CLYBL: variants seen among roughly 807,000 people sequenced by gnomAD.
The protein encoded by CLYBL is citramalyl-CoA lyase, mitochondrial.
CLYBL carries 31 observed loss-of-function variants against 38.9 expected under a neutral mutation model. The observed-to-expected ratio is 0.80, with a 90% CI of 0.60 to 1.08. The LOEUF (loss-of-function observed/expected upper bound fraction) is 1.08. Ranked by LOEUF, CLYBL falls within the 50% of genes least tolerant of loss-of-function variation. CLYBL has a pLI of 0.00. For synonymous variants in CLYBL, 171 were observed against 158.6 expected (o/e 1.08, Z -0.59); for missense variants, 434 against 411.6 (o/e 1.05, Z -0.47).
intron 1 of CLYBL, among the ~76,000 whole-genome samples, chr13:99,716,381 C>CTTTCT (rs56025538): frequency 0.34 from 47,531 of 138,184 alleles, 9,268 homozygotes; most frequent in East Asian, 0.55. Context: ...CTATATTTTT[C>CTTTCT]TTTCTTTTCT....
intron 2 of CLYBL, among the ~76,000 whole-genome samples, chr13:99,822,196 A>G (rs1045179114): frequency 2.0e-5 from 3 of 152,226 alleles, no homozygotes; most frequent in African/African-American, 7.2e-5. Flanking sequence ...CCACAGTTTC[A>G]TAATAAAATA....
At chr13:99,722,781 GT>G (rs1440912691) in intron 1 of CLYBL, among the ~76,000 whole-genome samples, 1 of 152,222 alleles carries the variant, frequency 6.6e-6, no homozygotes, top group Non-Finnish European at 1.5e-5. Context: ...CAATAGGACT[GT>G]TTAACTGCTT....
chr13:99,638,028 A>G (rs1450393841), intron 1 of CLYBL, among the ~76,000 whole-genome samples: 1 of 135,650 alleles, frequency 7.4e-6, no homozygotes, highest in Non-Finnish European at 1.5e-5. Flanking sequence ...CAATGGCACA[A>G]TCGCGGTTCA....
chr13:99,632,311 T>C (rs759797355), intron 1 of CLYBL, among the ~76,000 whole-genome samples: 2 of 152,248 alleles, frequency 1.3e-5, no homozygotes, highest in African/African-American at 2.4e-5. Context: ...GGCCACTGCC[T>C]ACCATAGGGA....
At chr13:99,620,974 C>A (rs2046787068) in intron 1 of CLYBL, among the ~76,000 whole-genome samples, 1 of 152,082 alleles carries the variant, frequency 6.6e-6, no homozygotes, top group South Asian at 2.1e-4. Flanking sequence ...TCTCTGCCAC[C>A]CCTCATGTTC....
chr13:99,855,099 T>A (rs1370883329), intron 2 of CLYBL, among the ~76,000 whole-genome samples: 2 of 152,178 alleles, frequency 1.3e-5, no homozygotes, highest in Admixed American at 6.5e-5. Context: ...CTCTTCGAAG[T>A]TCTAATGTAA....
chr13:99,711,079 GT>G, intron 1 of CLYBL, among the ~76,000 whole-genome samples: 2 of 151,868 alleles, frequency 1.3e-5, no homozygotes, highest in East Asian at 3.9e-4. Flanking sequence ...GTAGAGAGGG[GT>G]TTTGCCAGGC....
intron 1 of CLYBL, among the ~76,000 whole-genome samples, chr13:99,613,945 C>A (rs902089276): frequency 4.6e-5 from 7 of 152,144 alleles, no homozygotes; most frequent in Admixed American, 3.3e-4. Context: ...GCAGAGGGCC[C>A]AATCCTCTCA....
intron 1 of CLYBL, among the ~76,000 whole-genome samples, chr13:99,766,789 G>C (rs901378915): frequency 5.6e-4 from 85 of 152,148 alleles, no homozygotes; most frequent in African/African-American, 2.0e-3. Flanking sequence ...CCTGAATGGG[G>C]GAGGTCCCCA....
At chr13:99,836,964 C>T (rs1240212618) in intron 2 of CLYBL, among the ~76,000 whole-genome samples, 1 of 150,902 alleles carries the variant, frequency 6.6e-6, no homozygotes, top group Non-Finnish European at 1.5e-5. Context: ...GGGTGCAGCA[C>T]ACCAACATGG....
chr13:99,880,364 C>T (rs1330438179), intron 7 of CLYBL, among the ~76,000 whole-genome samples: 1 of 152,104 alleles, frequency 6.6e-6, no homozygotes, highest in Non-Finnish European at 1.5e-5. Context: ...TGCACCTGGC[C>T]CTTGCATATA....
At chr13:99,609,172 T>TA (rs2046585816) in intron 1 of CLYBL, among the ~76,000 whole-genome samples, 1 of 64,036 alleles carries the variant, frequency 1.6e-5, no homozygotes, top group Non-Finnish European at 3.9e-5. Context: ...TGTCTTTGTT[T>TA]TTTTTTTTTT....
chr13:99,744,958 A>C (rs373878780), intron 1 of CLYBL, among the ~76,000 whole-genome samples: 3 of 152,208 alleles, frequency 2.0e-5, no homozygotes, highest in African/African-American at 7.2e-5. Flanking sequence ...TGGTGCCATG[A>C]AAACCTGCAA....
At chr13:99,778,480 A>G (rs1252030925) in intron 2 of CLYBL, among the ~76,000 whole-genome samples, 4 of 151,884 alleles carry the variant, frequency 2.6e-5, no homozygotes, top group African/African-American at 9.7e-5. Flanking sequence ...CATTTGATTG[A>G]CTCTCTGTGA....
At chr13:99,809,829 T>C (rs1441838814) in intron 2 of CLYBL, among the ~76,000 whole-genome samples, 1 of 152,144 alleles carries the variant, frequency 6.6e-6, no homozygotes, top group Non-Finnish European at 1.5e-5. Context: ...CGGGAAGACA[T>C]GCCAGTCTGC....
At chr13:99,759,682 A>G (rs142664052) in intron 1 of CLYBL, among the ~76,000 whole-genome samples, 2 of 152,252 alleles carry the variant, frequency 1.3e-5, no homozygotes, top group East Asian at 3.9e-4. Flanking sequence ...AGTGACAGTT[A>G]ATAATACTAT....
intron 1 of CLYBL, among the ~76,000 whole-genome samples, chr13:99,672,642 G>A (rs918736345): frequency 6.6e-6 from 1 of 151,608 alleles, no homozygotes; most frequent in Non-Finnish European, 1.5e-5. Flanking sequence ...CAGGCGTGGT[G>A]GTGTGTGCCT....
chr13:99,886,533 A>T (rs1257559687), intron 7 of CLYBL, among the ~76,000 whole-genome samples: 2 of 152,272 alleles, frequency 1.3e-5, no homozygotes, highest in African/African-American at 4.8e-5. Flanking sequence ...AGGAGTCTGA[A>T]ATCATAGACA....
chr13:99,704,635 A>T (rs900363359), intron 1 of CLYBL, among the ~76,000 whole-genome samples: 6 of 152,230 alleles, frequency 3.9e-5, no homozygotes, highest in Non-Finnish European at 7.3e-5. Context: ...CAGGTGCTCG[A>T]CTGTGTACAA....
Sources: allele counts gnomAD v4.1 joint callset (sites outside exome capture counted in the v4.1 genomes callset), GRCh38; gene constraint gnomAD v4.1.1; transcripts MANE v1.5; gene names NCBI Gene and HGNC (gene_info 2026-07-23, HGNC 2026-07-21).